Variants in CEP63 observed in about 807,000 individuals in gnomAD.
The protein encoded by CEP63 is centrosomal protein of 63 kDa.
Under a neutral mutation model 89.1 loss-of-function variants are expected in CEP63, and 84 were observed. The ratio of observed to expected loss-of-function variants is 0.94; its 90% confidence interval spans 0.79 to 1.13. The LOEUF (loss-of-function observed/expected upper bound fraction) is 1.13. Ranked by LOEUF, CEP63 falls within the 50% of genes most tolerant of loss-of-function variation. CEP63 has a pLI of 0.00. For missense variants in CEP63, 838 were observed against 813.3 expected, an observed-to-expected ratio of 1.03 and a Z score of -0.37; for synonymous variants, 267 against 272.5, an observed-to-expected ratio of 0.98 and a Z score of 0.20.
At chr3:134,629,701 A>G in the CEP63 span, 1 of 1,578,764 alleles carries the variant, frequency 6.3e-7, no homozygotes, top group Non-Finnish European at 8.6e-7. Flanking sequence ...TGTCCCTACA[A>G]AGGAAAAGGA....
the CEP63 span, among the ~76,000 whole-genome samples, chr3:134,727,117 T>C: frequency 4.6e-5 from 7 of 151,938 alleles, no homozygotes; most frequent in Non-Finnish European, 1.0e-4. Flanking sequence ...ATGGTTCCAA[T>C]AGAGGAAATA....
the CEP63 span, among the ~76,000 whole-genome samples, chr3:134,660,401 G>A: frequency 5.3e-5 from 8 of 152,228 alleles, 1 homozygote; most frequent in Non-Finnish European, 1.2e-4. Context: ...CTATTATCCT[G>A]AGTTCATAGA....
In CEP63 at chr3:134,507,196, A is replaced by G. The variant is rs1943681017; in HGVS notation, c.132A>G (p.Glu44=). ...IMVAHKKSEW[E]GRTHALETCL... is the part of the protein sequence containing the mutation. ...TGGCTCATAAAAAATCTGAATGGGA[A>G]GGACGTACACATGCTCTAGAAACTT... is the stretch of plus-strand genomic sequence containing the variant. Residue 44 remains glutamate (E), a synonymous_variant, in exon 3 of 15, where the codon GAA becomes GAG. Coordinates refer to ENST00000675561, the MANE Select transcript of CEP63 (RefSeq NM_001353108.3). 2 of 1,613,870 alleles carry G rather than the reference A, an allele frequency of 1.2e-6. No individual in the cohort carries two copies. Among genetic ancestry groups the G allele is most frequent in the Non-Finnish European group, 1.7e-6 (2 of 1,179,836 alleles).
chr3:134,596,120 T>G, the CEP63 span, among the ~76,000 whole-genome samples: 1 of 152,276 alleles, frequency 6.6e-6, no homozygotes, highest in Non-Finnish European at 1.5e-5. Context: ...TATGTCACTC[T>G]GGGTTAAATA....
At chr3:134,579,849 T>C (rs926770799), downstream of CEP63, among the ~76,000 whole-genome samples, 1 of 152,172 alleles carries the variant, frequency 6.6e-6, no homozygotes, top group East Asian at 1.9e-4. Context: ...AATAATACTA[T>C]ATAGCAATAC....
chr3:134,550,475 G>A (rs923728134), intron 11 of CEP63, among the ~76,000 whole-genome samples: 1 of 152,196 alleles, frequency 6.6e-6, no homozygotes, highest in Non-Finnish European at 1.5e-5. Flanking sequence ...GGTGTATGGT[G>A]AGAGTCACTA....
the CEP63 span, among the ~76,000 whole-genome samples, chr3:134,770,638 C>G: frequency 3.9e-5 from 6 of 152,140 alleles, no homozygotes; most frequent in African/African-American, 1.2e-4. Flanking sequence ...ATTCAAAATG[C>G]TTTTACTTTT....
At chr3:134,494,087 A>ATT (rs1463569958) in intron 1 of CEP63, among the ~76,000 whole-genome samples, 46 of 125,770 alleles carry the variant, frequency 3.7e-4, no homozygotes, top group African/African-American at 7.2e-4. Flanking sequence ...CTTACCCTTT[A>ATT]TTTTATATTT....
At chr3:134,608,467 T>C in the CEP63 span, 2 of 1,530,098 alleles carry the variant, frequency 1.3e-6, no homozygotes, top group East Asian at 2.5e-5. Context: ...CCTGCCCTGA[T>C]GGCCTGGGCT....
At chr3:134,634,763 A>G in the CEP63 span, among the ~76,000 whole-genome samples, 2 of 152,220 alleles carry the variant, frequency 1.3e-5, no homozygotes, top group Non-Finnish European at 2.9e-5. Flanking sequence ...GAGAGGGCCA[A>G]CTTTTCCTAC....
chr3:134,667,325 G>C, the CEP63 span, among the ~76,000 whole-genome samples: 1 of 152,170 alleles, frequency 6.6e-6, no homozygotes, highest in African/African-American at 2.4e-5. Flanking sequence ...TTTTACAGGA[G>C]AGGAAGGGTG....
chr3:134,656,603 T>G, the CEP63 span, among the ~76,000 whole-genome samples: 5 of 152,196 alleles, frequency 3.3e-5, no homozygotes, highest in African/African-American at 1.2e-4. Flanking sequence ...GTGGTGATGA[T>G]AGGAAGAGAC....
chr3:134,485,991 G>GCGGGCCCCCC, upstream of CEP63: 1 of 938,170 alleles, frequency 1.1e-6, no homozygotes, highest in Non-Finnish European at 1.3e-6. Context: ...CTCCTGCCAC[G>GCGGGCCCCCC]CCCCCCCCCC....
chr3:134,758,334 G>T, the CEP63 span, among the ~76,000 whole-genome samples: 1 of 152,204 alleles, frequency 6.6e-6, no homozygotes, highest in Non-Finnish European at 1.5e-5. Flanking sequence ...AATGGCAGGG[G>T]CCCATGTCTT....
At chr3:134,554,819 C>T (rs1265429874) in intron 12 of CEP63, among the ~76,000 whole-genome samples, 13 of 152,126 alleles carry the variant, frequency 8.5e-5, no homozygotes, top group South Asian at 4.1e-4. Flanking sequence ...TTGATTTGCA[C>T]TTCTCTGATG....
At chr3:134,710,133 A>G in the CEP63 span, among the ~76,000 whole-genome samples, 2 of 152,190 alleles carry the variant, frequency 1.3e-5, no homozygotes, top group East Asian at 1.9e-4. Context: ...ACAGGCAAGT[A>G]TCTTTCAAGA....
At chr3:134,674,723 A>G in the CEP63 span, among the ~76,000 whole-genome samples, 1 of 152,234 alleles carries the variant, frequency 6.6e-6, no homozygotes. Flanking sequence ...TTAATAAGGT[A>G]GCAGGAAACA....
upstream of CEP63, chr3:134,485,783 G>A (rs1440829381): frequency 5.9e-6 from 1 of 169,046 alleles, no homozygotes; most frequent in Admixed American, 6.5e-5. Context: ...GGGAGGTCTG[G>A]GGGTGCCACG....
At chr3:134,753,387 C>T in the CEP63 span, among the ~76,000 whole-genome samples, 1 of 152,214 alleles carries the variant, frequency 6.6e-6, no homozygotes, top group African/African-American at 2.4e-5. Context: ...TCCCAGCAAG[C>T]ACTATATGGG....
Sources: gnomAD v4.1 joint callset for allele counts (sites outside exome capture counted in the v4.1 genomes callset) on GRCh38, gnomAD v4.1.1 for gene constraint, MANE v1.5 for transcripts, NCBI Gene and HGNC (gene_info 2026-07-23, HGNC 2026-07-21) for gene names.